The following EPB41L4A variants were observed in gnomAD, a reference collection of about 807,000 sequenced individuals.
The protein encoded by EPB41L4A is erythrocyte membrane protein band 4.1 like 4A.
In EPB41L4A, 100 loss-of-function variants were observed where a neutral mutation model predicts 108.6. That is an observed-to-expected ratio of 0.92 (90% CI 0.78 to 1.09). The LOEUF (loss-of-function observed/expected upper bound fraction) is 1.09, where lower values mean the gene tolerates loss of function less well. EPB41L4A is among the 50% of genes least tolerant of loss of function. EPB41L4A has a pLI of 0.00. For synonymous variants in EPB41L4A, 319 were observed against 289.0 expected (o/e 1.10, Z -1.05); for missense variants, 1,030 against 842.7 (o/e 1.22, Z -2.75).
At chr5:112,222,149 G>A (rs1748105817) in intron 12 of EPB41L4A, among the ~76,000 whole-genome samples, 1 of 152,198 alleles carries the variant, frequency 6.6e-6, no homozygotes, top group Admixed American at 6.5e-5. Flanking sequence ...GGCTGACTCT[G>A]ACTATAAATG....
chr5:112,326,387 C>G (rs1170289201), intron 1 of EPB41L4A, among the ~76,000 whole-genome samples: 5 of 152,108 alleles, frequency 3.3e-5, no homozygotes, highest in Admixed American at 3.3e-4. Context: ...TTTTGTCAAA[C>G]TGGGCCCTCC....
At chr5:112,215,773 A>AC (rs1299910786) in intron 12 of EPB41L4A, among the ~76,000 whole-genome samples, 14 of 147,250 alleles carry the variant, frequency 9.5e-5, no homozygotes, top group African/African-American at 2.5e-5. Context: ...AAAAAAAAAA[A>AC]AAAACAAAAA....
intron 9 of EPB41L4A, among the ~76,000 whole-genome samples, chr5:112,241,859 T>C (rs1178969743): frequency 1.2e-4 from 18 of 152,194 alleles, no homozygotes; most frequent in Admixed American, 1.1e-3. Context: ...TGCACATATT[T>C]TTTGGCTTCC....
At chr5:112,252,568 G>T (rs538519955) in intron 9 of EPB41L4A, among the ~76,000 whole-genome samples, 78 of 152,328 alleles carry the variant, frequency 5.1e-4, no homozygotes, top group African/African-American at 1.8e-3. Flanking sequence ...CAGCAAAATA[G>T]TTAGGTACCT....
intron 8 of EPB41L4A, 87 bp from the exon 9 acceptor site, chr5:112,259,379 G>C (rs1192279676): frequency 1.9e-6 from 2 of 1,033,662 alleles, no homozygotes; most frequent in East Asian, 4.7e-5. Context: ...AAAAAGACTG[G>C]TGAATACTGG....
At chr5:112,310,036 T>C (rs1480136719) in intron 1 of EPB41L4A, among the ~76,000 whole-genome samples, 4 of 152,200 alleles carry the variant, frequency 2.6e-5, no homozygotes, top group Non-Finnish European at 5.9e-5. Flanking sequence ...ACTAACACCT[T>C]GATTTCATCC....
chr5:112,308,288 A>C lies in EPB41L4A; in HGVS notation c.100-798T>G, dbSNP rs1337030981. On this transcript the variant is annotated intron_variant, in intron 1 of 22. Transcript: ENST00000261486. Reference sequence around the variant, plus strand: ...AAGATAATAAAAGAAATCCCACAACAAGTCTCACATTATGGTAATAAAGGA... The same window carrying C: ...AAGATAATAAAAGAAATCCCACAACCAGTCTCACATTATGGTAATAAAGGA... Among the ~76,000 whole-genome samples the C allele has an allele frequency of 1.3e-5, 2 of 152,256 alleles. 1 individual carries two copies. Among genetic ancestry groups the C allele is most frequent in the South Asian group, 4.1e-4 (2 of 4,820 alleles).
chr5:112,349,049 A>G lies in EPB41L4A; in HGVS notation c.100-41559T>C, dbSNP rs570247497. ...ACCCAACAGAGAGGAAACTCCCAGG[A>G]AAGTAGGAGTAGCCACAACTTCAAA... On this transcript the variant is annotated intron_variant, in intron 1 of 22. Coordinates refer to ENST00000261486, the MANE Select transcript of EPB41L4A (RefSeq NM_022140.5). Among the ~76,000 whole-genome samples the G allele has an allele frequency of 5.9e-5, 9 of 152,348 alleles. No homozygotes were observed. In the South Asian group the frequency reaches 1.4e-3, roughly 25 times the overall value.
At chr5:112,264,448 T>C (rs980673832) in intron 6 of EPB41L4A, 4 of 153,248 alleles carry the variant, frequency 2.6e-5, no homozygotes, top group African/African-American at 9.7e-5. Context: ...TTGAAGAATA[T>C]ATTAATGCAT....
At chr5:112,200,023 T>C (rs2150283569) in intron 15 of EPB41L4A, among the ~76,000 whole-genome samples, 1 of 152,346 alleles carries the variant, frequency 6.6e-6, no homozygotes, top group South Asian at 2.1e-4. Flanking sequence ...ACCACTGGTC[T>C]AAGGACCAAA....
At chr5:112,304,526 A>T (rs527306266) in intron 2 of EPB41L4A, among the ~76,000 whole-genome samples, 1 of 152,206 alleles carries the variant, frequency 6.6e-6, no homozygotes, top group Non-Finnish European at 1.5e-5. Flanking sequence ...TTAAAACCAG[A>T]AGTAGTATTG....
intron 13 of EPB41L4A, among the ~76,000 whole-genome samples, chr5:112,207,759 A>C (rs995012791): frequency 2.6e-5 from 4 of 152,234 alleles, no homozygotes; most frequent in African/African-American, 9.6e-5. Flanking sequence ...ATTATTAAAA[A>C]GACAAAAAAT....
At chr5:112,158,972 C>T (rs545270841), downstream of EPB41L4A, among the ~76,000 whole-genome samples, 2 of 152,326 alleles carry the variant, frequency 1.3e-5, no homozygotes, top group East Asian at 1.9e-4. Context: ...GGACAATCTT[C>T]GTGTTACTGC....
intron 1 of EPB41L4A, among the ~76,000 whole-genome samples, chr5:112,365,190 T>A (rs1759045773): frequency 6.6e-6 from 1 of 152,142 alleles, no homozygotes; most frequent in African/African-American, 2.4e-5. Flanking sequence ...TTTTTATTAT[T>A]TTAAGTGTTT....
intron 1 of EPB41L4A, among the ~76,000 whole-genome samples, chr5:112,336,923 T>C (rs1481608013): frequency 3.3e-5 from 5 of 152,210 alleles, no homozygotes; most frequent in Admixed American, 3.3e-4. Flanking sequence ...ACTTCCCTTT[T>C]ACAGTCTGTT....
chr5:112,182,847 T>G (rs1293569342), intron 18 of EPB41L4A, among the ~76,000 whole-genome samples: 1 of 151,734 alleles, frequency 6.6e-6, no homozygotes, highest in Non-Finnish European at 1.5e-5. Context: ...AAATCTTCAT[T>G]AACTTCAGCT....
intron 3 of EPB41L4A, among the ~76,000 whole-genome samples, chr5:112,278,401 G>A (rs528207718): frequency 2.0e-3 from 302 of 151,856 alleles, no homozygotes; most frequent in Non-Finnish European, 3.2e-3. Context: ...ACAGGCACTC[G>A]CCACCACATC....
Position 112,219,179 on chromosome 5 carries a change from T to A in EPB41L4A, c.1088-9197A>T, listed in dbSNP as rs532865110. Among the ~76,000 whole-genome samples the A allele has an allele frequency of 2.0e-5, 3 of 152,346 alleles. No homozygotes were observed. In the East Asian group the frequency reaches 5.8e-4, roughly 29 times the overall value. On this transcript the variant is annotated intron_variant, in intron 12 of 22. Transcript: ENST00000261486. The stretch of plus-strand genomic sequence containing the variant: ...CTGTGTCCCCAACTCAAATCTCATC[T>A]TGAATTGTAATCCCCATAATCCCCA...
In EPB41L4A at chr5:112,385,646, A is replaced by G. The variant is rs562823763; in HGVS notation, c.99+33295T>C. Among the ~76,000 whole-genome samples the G allele has an allele frequency of 7.9e-5, 12 of 152,326 alleles. No homozygotes were observed. In the South Asian group the frequency reaches 2.5e-3, roughly 32 times the overall value. On this transcript the variant is annotated intron_variant, in intron 1 of 22. Coordinates refer to ENST00000261486, the MANE Select transcript of EPB41L4A (RefSeq NM_022140.5). ...AATTAGAAGAATTGTAGTTCAAGTC[A>G]GAAGAGATAGCCTCAAATCTGGAAC...
Sources: allele counts gnomAD v4.1 joint callset (sites outside exome capture counted in the v4.1 genomes callset), GRCh38; gene constraint gnomAD v4.1.1; transcripts MANE v1.5; gene names NCBI Gene and HGNC (gene_info 2026-07-23, HGNC 2026-07-21).